The following GLB1L3 variants were observed in gnomAD, a reference collection of about 807,000 sequenced individuals.
GLB1L3 encodes the protein galactosidase beta 1 like 3.
A neutral mutation model predicts 89.5 loss-of-function variants in GLB1L3; 89 were observed. That is an observed-to-expected ratio of 0.99 (90% CI 0.84 to 1.19). The LOEUF is 1.19. Ranked by LOEUF, GLB1L3 falls within the 50% of genes most tolerant of loss-of-function variation. GLB1L3 has a pLI of 0.00. For missense variants in GLB1L3, 812 were observed against 813.3 expected (o/e 1.00, Z 0.02); for synonymous variants, 314 against 312.3 (o/e 1.01, Z -0.06).
At chr11:134,303,582 C>T (rs1338264446) in intron 9 of GLB1L3, among the ~76,000 whole-genome samples, 4 of 152,138 alleles carry the variant, frequency 2.6e-5, no homozygotes, top group South Asian at 2.1e-4. Flanking sequence ...TTCTGCTCTC[C>T]GCCTGGATTG....
chr11:134,288,755 C>T (rs774044147), intron 6 of GLB1L3, 43 bp from the exon 7 acceptor site: 68 of 1,465,934 alleles, frequency 4.6e-5, no homozygotes, highest in Non-Finnish European at 6.1e-5. Context: ...GGCTTTTGCC[C>T]CAAATAGCCT....
Position 134,309,637 on chromosome 11 carries a change from G to A in GLB1L3, c.973G>A (p.Ala325Thr), listed in dbSNP as rs201346257. The part of the protein sequence containing the change: ...HVKDAKEVEH[A>T]VSEFIKYEIS... Reference sequence around the variant, plus strand: ...GTTCCCCTTTGCAGAGGTTGAACATGCTGTGTCTGAATTCATCAAATATGA... The same window carrying A: ...GTTCCCCTTTGCAGAGGTTGAACATACTGTGTCTGAATTCATCAAATATGA... Residue 325 changes from alanine (A) to threonine (T), a missense_variant, in exon 11 of 20, where the codon GCT (alanine) becomes ACT (threonine). Ala to Thr is a moderately conservative substitution (Grantham distance 58, BLOSUM62 0). This residue lies in a region of GLB1L3 where 618 missense variants were observed against 604.0 expected (regional missense o/e 1.02). Coordinates refer to ENST00000431683, the MANE Select transcript of GLB1L3 (RefSeq NM_001080407.3). 2.3e-5 allele frequency: 37 copies of A among 1,603,104 alleles called. No individual in the cohort carries two copies. The highest frequency in any genetic ancestry group is 2.1e-4 in the South Asian group (19 of 89,550).
chr11:134,296,876 C>CA (rs897188098), intron 9 of GLB1L3, among the ~76,000 whole-genome samples: 20 of 107,766 alleles, frequency 1.9e-4, no homozygotes, highest in Middle Eastern at 5.1e-3. Context: ...AACAAACAAA[C>CA]AAAAAAAGAA....
intron 9 of GLB1L3, among the ~76,000 whole-genome samples, chr11:134,297,508 A>T (rs866718160): frequency 6.6e-6 from 1 of 150,984 alleles, no homozygotes. Context: ...ATTCCATTTT[A>T]TCTGTTCTGT....
chr11:134,304,366 A>T (rs1358795672), intron 9 of GLB1L3, among the ~76,000 whole-genome samples: 12 of 152,184 alleles, frequency 7.9e-5, no homozygotes, highest in Admixed American at 7.2e-4. Flanking sequence ...ATAGATCATG[A>T]TTGTTGGAAA....
chr11:134,311,013 G>A (rs116466125), intron 12 of GLB1L3, 51 bp from the exon 13 acceptor site: 2 of 1,311,716 alleles, frequency 1.5e-6, no homozygotes, highest in African/African-American at 1.4e-5. Context: ...GCTTAGAGAA[G>A]GCAGTGGTCA....
intron 3 of GLB1L3, among the ~76,000 whole-genome samples, chr11:134,278,978 AC>A (rs1195694020): frequency 2.6e-5 from 4 of 152,326 alleles, no homozygotes; most frequent in Non-Finnish European, 1.5e-5. Flanking sequence ...GGCACACATT[AC>A]ATACACACAG....
At chr11:134,323,674 T>G (rs748247400), downstream of GLB1L3, among the ~76,000 whole-genome samples, 1 of 152,188 alleles carries the variant, frequency 6.6e-6, no homozygotes, top group Admixed American at 6.5e-5. Flanking sequence ...GAAGAATAAC[T>G]TCTCTCTGGC....
In GLB1L3 at chr11:134,312,512, G is replaced by C. The variant is rs373757753; in HGVS notation, c.1428+23G>C. On this transcript the variant is annotated intron_variant, in intron 14 of 19. Transcript: ENST00000431683. ...CAGGTAGGGCCAGCAGGCTGTCTGT[G>C]TGGGAAGCAAAGTGCATCACCTCCC... is the stretch of plus-strand genomic sequence containing the variant. 176 of 1,607,176 alleles carry C rather than the reference G, an allele frequency of 1.1e-4. No individual in the cohort carries two copies. In the South Asian group the frequency reaches 1.8e-3, roughly 16 times the overall value.
intron 6 of GLB1L3, among the ~76,000 whole-genome samples, chr11:134,286,550 G>A (rs1297241997): frequency 6.6e-6 from 1 of 151,954 alleles, no homozygotes; most frequent in Admixed American, 6.6e-5. Context: ...GCTGAGGCGG[G>A]TGGATCACGA....
intron 9 of GLB1L3, among the ~76,000 whole-genome samples, chr11:134,303,492 G>A (rs1942043994): frequency 6.6e-6 from 1 of 151,878 alleles, no homozygotes; most frequent in Non-Finnish European, 1.5e-5. Flanking sequence ...TGTCATTCTG[G>A]AGTTACAGAG....
rs764741800 is a variant in GLB1L3 at position 134,282,127 on chromosome 11, G to A, written c.527+7G>A. The A allele has an allele frequency of 1.3e-5, 21 of 1,565,652 alleles. No individual in the cohort carries two copies. Among genetic ancestry groups the A allele is most frequent in the Middle Eastern group, 1.7e-4 (1 of 5,840 alleles). On this transcript the variant is annotated splice_region_variant and intron_variant, in intron 5 of 19. Transcript: ENST00000431683. ...ACCTCGGGGGCTTGCCCAGGTAAGC[G>A]GGGCTACAGTCCCAGAGTCGTGGTT...
chr11:134,302,208 G>C (rs1055008544), intron 9 of GLB1L3, among the ~76,000 whole-genome samples: 8 of 152,206 alleles, frequency 5.3e-5, no homozygotes, highest in African/African-American at 1.9e-4. Flanking sequence ...TTTCTCCTAA[G>C]AACCCTGTTG....
chr11:134,308,640 C>CCATCACCACCAT, intron 10 of GLB1L3, among the ~76,000 whole-genome samples: 1 of 149,724 alleles, frequency 6.7e-6, no homozygotes, highest in Non-Finnish European at 1.5e-5. Context: ...ACCATCAACA[C>CCATCACCACCAT]CATCACCACC....
chr11:134,312,209 G>A (rs1318105121), intron 13 of GLB1L3, 140 bp from the exon 14 acceptor site: 8 of 915,658 alleles, frequency 8.7e-6, no homozygotes, highest in African/African-American at 1.6e-5. Flanking sequence ...ACAGAGCAGT[G>A]TCACATGGCA....
intron 9 of GLB1L3, chr11:134,305,217 A>C (rs922699708): frequency 1.1e-6 from 1 of 924,952 alleles, no homozygotes. Flanking sequence ...TTGTCCTTCT[A>C]AGCTTCTGAT....
At chr11:134,315,809 T>C (rs1942953282) in intron 18 of GLB1L3, among the ~76,000 whole-genome samples, 1 of 152,198 alleles carries the variant, frequency 6.6e-6, no homozygotes, top group East Asian at 1.9e-4. Context: ...ATTTTGTTTA[T>C]TCAATTTCTT....
At chr11:134,300,418 C>T (rs973393893) in intron 9 of GLB1L3, among the ~76,000 whole-genome samples, 4 of 151,644 alleles carry the variant, frequency 2.6e-5, no homozygotes, top group African/African-American at 9.7e-5. Context: ...CTGCAAGCTC[C>T]ACCTCCTGGG....
chr11:134,293,583 TATCAGAAGGG>T (rs1941476956), intron 9 of GLB1L3, among the ~76,000 whole-genome samples: 1 of 152,108 alleles, frequency 6.6e-6, no homozygotes, highest in Non-Finnish European at 1.5e-5. Flanking sequence ...GCTTACATAT[TATCAGAAGGG>T]ATGAGGGTTG....
Sources: gnomAD v4.1 joint callset for allele counts (sites outside exome capture counted in the v4.1 genomes callset) on GRCh38, gnomAD v4.1.1 for gene constraint, gnomAD v4.1.1 regional missense constraint, MANE v1.5 for transcripts, NCBI Gene and HGNC (gene_info 2026-07-23, HGNC 2026-07-21) for gene names.